The following XKR9 variants were observed in gnomAD, a reference collection of about 807,000 sequenced individuals.
XKR9 encodes the protein XK-related protein 9.
In XKR9, 32 loss-of-function variants were observed where a neutral mutation model predicts 32.0. The ratio of observed to expected loss-of-function variants is 1.00; its 90% CI spans 0.76 to 1.34. The LOEUF is 1.34. XKR9 is among the 40% of genes most tolerant of loss of function. The pLI, the probability that XKR9 is intolerant of heterozygous loss-of-function variation, is 0.00. For synonymous variants in XKR9, 168 were observed against 143.4 expected (o/e 1.17, Z -1.22); for missense variants, 546 against 429.7 (o/e 1.27, Z -2.39).
chr8:70,725,595 T>A (rs1806437556), intron 4 of XKR9, among the ~76,000 whole-genome samples: 1 of 152,114 alleles, frequency 6.6e-6, no homozygotes, highest in Non-Finnish European at 1.5e-5. Flanking sequence ...TAAAAAACGA[T>A]GTACGAGAGG....
At chr8:70,771,003 C>G (rs1015711102) in intron 2 of XKR9, among the ~76,000 whole-genome samples, 1 of 152,200 alleles carries the variant, frequency 6.6e-6, no homozygotes, top group Non-Finnish European at 1.5e-5. Flanking sequence ...GCTCAAATGA[C>G]AGCCCAGTTT....
chr8:70,803,039 A>G, the XKR9 span, among the ~76,000 whole-genome samples: 1 of 152,146 alleles, frequency 6.6e-6, no homozygotes, highest in Non-Finnish European at 1.5e-5. Context: ...ATATCCTCAA[A>G]TATGTTTTTC....
the XKR9 span, among the ~76,000 whole-genome samples, chr8:71,045,338 G>A: frequency 6.6e-6 from 1 of 152,156 alleles, no homozygotes; most frequent in Non-Finnish European, 1.5e-5. Flanking sequence ...GTCATCCTCA[G>A]GCAGTTATCC....
chr8:70,798,177 A>G, the XKR9 span, among the ~76,000 whole-genome samples: 3 of 152,164 alleles, frequency 2.0e-5, no homozygotes, highest in South Asian at 4.2e-4. Context: ...CCAGCAGTGT[A>G]TAAGTGTTCC....
chr8:71,001,762 C>T, the XKR9 span, among the ~76,000 whole-genome samples: 1 of 152,156 alleles, frequency 6.6e-6, no homozygotes, highest in Non-Finnish European at 1.5e-5. Flanking sequence ...GGATGTGACA[C>T]TACTTTGTAA....
chr8:70,720,078 A>G (rs1002648959), intron 4 of XKR9, among the ~76,000 whole-genome samples: 2 of 152,158 alleles, frequency 1.3e-5, no homozygotes, highest in Admixed American at 6.5e-5. Flanking sequence ...ATGGTAGTTC[A>G]TTCATGATTG....
At chr8:70,898,196 T>C in the XKR9 span, among the ~76,000 whole-genome samples, 1 of 152,206 alleles carries the variant, frequency 6.6e-6, no homozygotes, top group Non-Finnish European at 1.5e-5. Flanking sequence ...CATTCTTGGC[T>C]TCTTTGTCAA....
the XKR9 span, among the ~76,000 whole-genome samples, chr8:70,831,151 TGTG>T: frequency 6.6e-6 from 1 of 151,790 alleles, no homozygotes; most frequent in Non-Finnish European, 1.5e-5. Flanking sequence ...ATTAGCCGGA[TGTG>T]GTGGTGGTCG....
chr8:70,782,235 A>T (rs564812514), intron 2 of XKR9, among the ~76,000 whole-genome samples: 2 of 152,320 alleles, frequency 1.3e-5, no homozygotes, highest in South Asian at 2.1e-4. Context: ...TTCCCTCTGC[A>T]GTATGCTTTC....
chr8:70,757,166 G>A (rs1381272279), intron 2 of XKR9, among the ~76,000 whole-genome samples: 1 of 151,706 alleles, frequency 6.6e-6, no homozygotes, highest in Non-Finnish European at 1.5e-5. Context: ...TGGATGTTTA[G>A]CTTTGAATTC....
At chr8:71,053,220 C>T in the XKR9 span, among the ~76,000 whole-genome samples, 2 of 152,170 alleles carry the variant, frequency 1.3e-5, no homozygotes, top group African/African-American at 4.8e-5. Flanking sequence ...ATATCTGAAT[C>T]ATTTGGAGAG....
chr8:70,878,116 A>G, the XKR9 span, among the ~76,000 whole-genome samples: 1 of 152,146 alleles, frequency 6.6e-6, no homozygotes, highest in Non-Finnish European at 1.5e-5. Flanking sequence ...ATGCTGAGAG[A>G]TTTGTCACCA....
chr8:70,704,292 C>A (rs1277519304), intron 3 of XKR9, among the ~76,000 whole-genome samples: 2 of 151,468 alleles, frequency 1.3e-5, no homozygotes, highest in African/African-American at 4.9e-5. Context: ...ATGAAATTAC[C>A]CTCAGATAAG....
the XKR9 span, among the ~76,000 whole-genome samples, chr8:70,843,459 T>C: frequency 1.2e-4 from 18 of 152,314 alleles, no homozygotes; most frequent in Non-Finnish European, 2.1e-4. Flanking sequence ...GGCTTAAAGA[T>C]GGCTGACTAG....
chr8:70,775,014 T>A (rs1807500396), intron 2 of XKR9, among the ~76,000 whole-genome samples: 2 of 152,176 alleles, frequency 1.3e-5, no homozygotes, highest in South Asian at 4.1e-4. Context: ...TTAATTGTTC[T>A]CAGCCATGTT....
At chr8:70,681,707 T>A (rs1819090558) in intron 3 of XKR9, among the ~76,000 whole-genome samples, 1 of 152,090 alleles carries the variant, frequency 6.6e-6, no homozygotes, top group African/African-American at 2.4e-5. Context: ...TATCATTGAT[T>A]TAACTAAATG....
At chr8:70,980,415 C>T in the XKR9 span, among the ~76,000 whole-genome samples, 1 of 152,194 alleles carries the variant, frequency 6.6e-6, no homozygotes, top group African/African-American at 2.4e-5. Context: ...CCTACTGTTG[C>T]TTTAAAGTTT....
chr8:70,871,175 C>T, the XKR9 span, among the ~76,000 whole-genome samples: 1 of 152,068 alleles, frequency 6.6e-6, no homozygotes, highest in Non-Finnish European at 1.5e-5. Context: ...ATTTATTTAT[C>T]TCCTTACTAA....
intron 3 of XKR9, among the ~76,000 whole-genome samples, chr8:70,685,575 TC>T (rs1819241646): frequency 6.6e-6 from 1 of 151,140 alleles, no homozygotes; most frequent in African/African-American, 2.4e-5. Context: ...TGAGTTCATG[TC>T]CTTTGCAGGA....
Sources: gnomAD v4.1 joint callset for allele counts (sites outside exome capture counted in the v4.1 genomes callset) on GRCh38, gnomAD v4.1.1 for gene constraint, MANE v1.5 for transcripts, NCBI Gene and HGNC (gene_info 2026-07-23, HGNC 2026-07-21) for gene names.